Variants in PARD3 observed in about 807,000 individuals in gnomAD.
The protein encoded by PARD3 is partitioning defective 3 homolog.
PARD3 carries 75 observed loss-of-function variants against 155.4 expected under a neutral mutation model. The ratio of observed to expected loss-of-function variants is 0.48; its 90% confidence interval spans 0.40 to 0.58. The LOEUF is 0.58. Ranked by LOEUF, PARD3 falls within the 20% of genes least tolerant of loss-of-function variation. The pLI is 0.00. For synonymous variants in PARD3, 576 were observed against 610.5 expected, an observed-to-expected ratio of 0.94 and a Z score of 0.83; for missense variants, 1,642 against 1,721.7, an observed-to-expected ratio of 0.95 and a Z score of 0.82.
At chr10:34,750,462 A>ACAC (rs1835860964) in intron 1 of PARD3, among the ~76,000 whole-genome samples, 1 of 135,844 alleles carries the variant, frequency 7.4e-6, no homozygotes, top group Admixed American at 7.6e-5. Flanking sequence ...CTCTCTTTCA[A>ACAC]ACACACACAC....
intron 2 of PARD3, among the ~76,000 whole-genome samples, chr10:34,581,789 G>A (rs75938459): frequency 0.014 from 2,066 of 152,258 alleles, 54 homozygotes; most frequent in African/African-American, 0.046. Context: ...GTGAGAGGCA[G>A]TCTGGGAAAG....
At chr10:34,133,639 T>A (rs1947733789) in intron 22 of PARD3, among the ~76,000 whole-genome samples, 1 of 152,176 alleles carries the variant, frequency 6.6e-6, no homozygotes, top group Non-Finnish European at 1.5e-5. Context: ...CCCTCCTGCG[T>A]GATGTGATTT....
chr10:34,798,576 G>A (rs187102439), intron 1 of PARD3, among the ~76,000 whole-genome samples: 58 of 151,952 alleles, frequency 3.8e-4, no homozygotes, highest in African/African-American at 1.3e-3. Flanking sequence ...GTGGTGGTGG[G>A]TGCCTGTAAC....
At chr10:34,341,578 A>C in intron 16 of PARD3, 49 bp downstream of exon 16, 1 of 1,467,244 alleles carries the variant, frequency 6.8e-7, no homozygotes, top group Non-Finnish European at 9.3e-7. Flanking sequence ...TAAACATAAA[A>C]TGGGACTGTA....
At chr10:34,789,221 G>C (rs1188963208) in intron 1 of PARD3, among the ~76,000 whole-genome samples, 1 of 152,188 alleles carries the variant, frequency 6.6e-6, no homozygotes, top group Non-Finnish European at 1.5e-5. Context: ...GAGCCCAGGA[G>C]GCCGAGGCCG....
At chr10:34,719,620 T>G (rs554876823) in intron 1 of PARD3, among the ~76,000 whole-genome samples, 38 of 152,320 alleles carry the variant, frequency 2.5e-4, no homozygotes, top group African/African-American at 8.7e-4. Flanking sequence ...TAGTTAGACC[T>G]GCTCGATATC....
intron 7 of PARD3, among the ~76,000 whole-genome samples, chr10:34,398,539 G>A (rs1392571851): frequency 6.6e-6 from 1 of 152,148 alleles, no homozygotes; most frequent in East Asian, 1.9e-4. Flanking sequence ...GCAAGTAAGA[G>A]AAGATGCAAT....
chr10:34,136,670 GAA>G (rs1020592419), intron 22 of PARD3, among the ~76,000 whole-genome samples: 4 of 152,160 alleles, frequency 2.6e-5, no homozygotes, highest in African/African-American at 9.7e-5. Context: ...AGCTGCCAAA[GAA>G]GAGAGGAAAA....
chr10:34,696,444 A>G, intron 1 of PARD3, 25 bp from the exon 2 acceptor site: 1 of 1,371,224 alleles, frequency 7.3e-7, no homozygotes, highest in Non-Finnish European at 1.0e-6. Context: ...AGAAACACTG[A>G]ATATAGCAAG....
rs113922531 is a variant in PARD3 at position 34,716,843 on chromosome 10, C to T, written c.121-20424G>A. ...CCAACCTCAGGTGATGCACCTGCCT[C>T]GGCCTCCCAAAGTGCTGGGATTACA... On this transcript the variant is annotated intron_variant, in intron 1 of 24. Coordinates refer to ENST00000374788, the MANE Select transcript of PARD3 (RefSeq NM_001184785.2). Among the ~76,000 whole-genome samples, 1,173 of 152,176 alleles carry T rather than the reference C, an allele frequency of 7.7e-3. 13 individuals carry two copies. Among genetic ancestry groups the T allele is most frequent in the African/African-American group, 0.027 (1,115 of 41,526 alleles).
intron 22 of PARD3, among the ~76,000 whole-genome samples, chr10:34,156,780 C>T (rs116837735): frequency 0.011 from 1,672 of 152,252 alleles, 28 homozygotes; most frequent in African/African-American, 0.038. Flanking sequence ...TGAGACCAAA[C>T]GACTGCCCAG....
intron 22 of PARD3, among the ~76,000 whole-genome samples, chr10:34,134,301 A>G (rs1350019052): frequency 6.6e-6 from 1 of 152,192 alleles, no homozygotes; most frequent in African/African-American, 2.4e-5. Context: ...TGTTCCTGGC[A>G]TACTTTATAG....
chr10:34,443,483 G>A (rs1401031882), intron 5 of PARD3, among the ~76,000 whole-genome samples: 1 of 152,148 alleles, frequency 6.6e-6, no homozygotes, highest in African/African-American at 2.4e-5. Flanking sequence ...CATGCGGCTA[G>A]GGAGGCCTCA....
intron 2 of PARD3, among the ~76,000 whole-genome samples, chr10:34,623,366 C>T (rs1391617281): frequency 6.6e-6 from 1 of 152,174 alleles, no homozygotes; most frequent in Non-Finnish European, 1.5e-5. Context: ...TACTACTACA[C>T]CAAAATGGGA....
intron 2 of PARD3, among the ~76,000 whole-genome samples, chr10:34,641,189 C>A (rs1002125849): frequency 6.6e-6 from 1 of 152,172 alleles, no homozygotes; most frequent in Admixed American, 6.5e-5. Context: ...CACGAACACA[C>A]TTTATTTTAT....
At chr10:34,445,471 A>AT (rs2076689758) in intron 5 of PARD3, among the ~76,000 whole-genome samples, 2 of 152,090 alleles carry the variant, frequency 1.3e-5, no homozygotes, top group African/African-American at 2.4e-5. Flanking sequence ...ATGGAACATC[A>AT]TTTTTTTACA....
At chr10:34,135,725 T>G (rs2132817203) in intron 22 of PARD3, among the ~76,000 whole-genome samples, 1 of 152,280 alleles carries the variant, frequency 6.6e-6, no homozygotes, top group Middle Eastern at 3.4e-3. Context: ...AACAGAAACC[T>G]TACAACAGCG....
In PARD3 at chr10:34,405,316, G is replaced by A. The variant is rs368867003; in HGVS notation, c.715-3399C>T. 1.7e-3 allele frequency among the ~76,000 whole-genome samples: 263 copies of A among 151,968 alleles called. 2 individuals carry two copies. The highest frequency in any genetic ancestry group is 5.6e-3 in the African/African-American group (231 of 41,446). On this transcript the variant is annotated intron_variant, in intron 5 of 24. Coordinates refer to ENST00000374788, the MANE Select transcript of PARD3 (RefSeq NM_001184785.2). ...TTAGGGCAATTATGTACAAATATAC[G>A]ACATTTTAAGAGTATATACATGTAT...
chr10:34,219,956 T>G (rs1952194314), intron 22 of PARD3, among the ~76,000 whole-genome samples: 1 of 152,232 alleles, frequency 6.6e-6, no homozygotes, highest in South Asian at 2.1e-4. Flanking sequence ...ATGACCTTTT[T>G]GTTTTACGAA....
Sources: gnomAD v4.1 joint callset for allele counts (sites outside exome capture counted in the v4.1 genomes callset) on GRCh38, gnomAD v4.1.1 for gene constraint, MANE v1.5 for transcripts, NCBI Gene and HGNC (gene_info 2026-07-23, HGNC 2026-07-21) for gene names.